The following ARL6 variants were observed in gnomAD, a reference collection of about 807,000 sequenced individuals.
ARL6 encodes the protein ARF like GTPase 6, also known as ADP-ribosylation factor-like protein 6.
A neutral mutation model predicts 27.1 loss-of-function variants in ARL6; 18 were observed. The observed-to-expected ratio is 0.66, with a 90% CI of 0.46 to 0.98. The LOEUF (loss-of-function observed/expected upper bound fraction) is 0.98. ARL6 is among the 50% of genes least tolerant of loss of function. The probability of loss-of-function intolerance (pLI) is 0.00; values close to 1 mark genes in which losing one functional copy is unlikely to be tolerated. For missense variants in ARL6, 187 were observed against 214.9 expected, an observed-to-expected ratio of 0.87 and a Z score of 0.81; for synonymous variants, 65 against 72.3, an observed-to-expected ratio of 0.90 and a Z score of 0.51.
At chr3:97,797,692 C>T (rs546674620) in intron 7 of ARL6, among the ~76,000 whole-genome samples, 1 of 152,238 alleles carries the variant, frequency 6.6e-6, no homozygotes, top group South Asian at 2.1e-4. Context: ...CTAGAAATCT[C>T]ATAGAACTAG....
chr3:97,768,668 T>C (rs570851049), intron 2 of ARL6, among the ~76,000 whole-genome samples: 57 of 152,208 alleles, frequency 3.7e-4, no homozygotes, highest in Non-Finnish European at 7.8e-4. Flanking sequence ...CTGAAAAATA[T>C]ATAAAGCTAG....
intron 2 of ARL6, among the ~76,000 whole-genome samples, chr3:97,775,411 C>T (rs375570724): frequency 2.6e-5 from 4 of 151,420 alleles, no homozygotes; most frequent in Non-Finnish European, 4.4e-5. Context: ...GCATCCAGCA[C>T]GGTAGAAAGA....
chr3:97,764,537 C>G (rs1464113362), upstream of ARL6: 1 of 152,378 alleles, frequency 6.6e-6, no homozygotes, highest in Non-Finnish European at 1.5e-5. Flanking sequence ...CATGATGCTA[C>G]GCCGGGAACT....
At chr3:97,787,053 TA>T (rs1200246060) in intron 5 of ARL6, among the ~76,000 whole-genome samples, 2 of 152,162 alleles carry the variant, frequency 1.3e-5, no homozygotes, top group African/African-American at 2.4e-5. Context: ...TTCCACATCT[TA>T]AATTTATCCT....
chr3:97,793,887 G>C (rs2037864144), intron 7 of ARL6, among the ~76,000 whole-genome samples: 1 of 151,388 alleles, frequency 6.6e-6, no homozygotes, highest in African/African-American at 2.4e-5. Context: ...AGGCTTCTGA[G>C]TCCAGCAAAT....
chr3:97,773,392 G>GC (rs1029614455), intron 2 of ARL6, among the ~76,000 whole-genome samples: 7 of 152,140 alleles, frequency 4.6e-5, no homozygotes, highest in Admixed American at 2.0e-4. Flanking sequence ...TCCTTTGGCA[G>GC]CACCCTCACA....
intron 2 of ARL6, among the ~76,000 whole-genome samples, 191 bp downstream of exon 2, chr3:97,768,421 G>C (rs1295367574): frequency 6.6e-6 from 1 of 151,928 alleles, no homozygotes; most frequent in Non-Finnish European, 1.5e-5. Context: ...TATTAAACTG[G>C]AATATTATTT....
chr3:97,793,084 G>A (rs747915625), intron 7 of ARL6, among the ~76,000 whole-genome samples: 16 of 152,232 alleles, frequency 1.1e-4, no homozygotes, highest in East Asian at 9.6e-4. Flanking sequence ...TTCAAAGTGC[G>A]AAATGTACAT....
intron 3 of ARL6, 54 bp downstream of exon 3, chr3:97,780,274 A>T (rs182851499): frequency 5.3e-5 from 71 of 1,331,452 alleles, no homozygotes; most frequent in Non-Finnish European, 2.7e-5. Context: ...TAACAATATT[A>T]GGTCTACCTG....
intron 2 of ARL6, among the ~76,000 whole-genome samples, chr3:97,779,243 G>GTTCC (rs1053859920): frequency 3.3e-5 from 5 of 152,088 alleles, no homozygotes; most frequent in African/African-American, 1.2e-4. Flanking sequence ...TCAGTGGCAA[G>GTTCC]TTCCTTCCTT....
intron 7 of ARL6, chr3:97,792,072 A>G (rs1474135738): frequency 1.9e-5 from 8 of 431,540 alleles, no homozygotes; most frequent in African/African-American, 1.4e-4. Flanking sequence ...ACACATATAG[A>G]AAACAATTTA....
At position 97,798,073 on chromosome 3, in the gene ARL6, G is replaced by A. The variant is rs1386081479; in HGVS notation, c.*24G>A. 17 of 1,609,502 alleles carry A rather than the reference G, an allele frequency of 1.1e-5. No individual in the cohort carries two copies. Among genetic ancestry groups the A allele is most frequent in the Middle Eastern group, 1.7e-4 (1 of 6,046 alleles). ...GAAAAGATAATAGTTGGAAACCTCA[G>A]CAATTTTCAATTCAAGGAATCTATC... On this transcript the variant is annotated 3_prime_UTR_variant, in exon 8 of 8. Transcript: ENST00000463745.
At chr3:97,789,815 G>A (rs887043907) in intron 6 of ARL6, among the ~76,000 whole-genome samples, 2 of 152,066 alleles carry the variant, frequency 1.3e-5, no homozygotes, top group East Asian at 3.9e-4. Context: ...AAATATAAAG[G>A]TAATGCTCTC....
intron 4 of ARL6, among the ~76,000 whole-genome samples, chr3:97,784,428 C>G (rs2037347088): frequency 1.3e-5 from 2 of 150,416 alleles, no homozygotes; most frequent in Non-Finnish European, 3.0e-5. Context: ...GTATTTCTCA[C>G]TATGGTTTAT....
rs1434466965 is a variant in ARL6, at chr3:97,798,219, C to T, written c.*170C>T. 3 of 649,588 alleles carry T rather than the reference C, an allele frequency of 4.6e-6. No individual in the cohort carries two copies. The highest frequency in any genetic ancestry group is 3.7e-5 in the African/African-American group (2 of 54,672). The allele number at this position is 649,588 out of a possible 1,614,324, so 40.2% of individuals were successfully genotyped here. A position where few individuals can be genotyped will look rare whatever the true frequency, so the allele number is the denominator to read the frequency against. On this transcript the variant is annotated 3_prime_UTR_variant, in exon 8 of 8. Transcript: ENST00000463745. ...AGGACTTCAGGTATGCTAATTTGGC[C>T]ATTAATTATTTAAAAACTAAATATT...
intron 5 of ARL6, among the ~76,000 whole-genome samples, chr3:97,787,086 C>G (rs2037493627): frequency 6.6e-6 from 1 of 152,092 alleles, no homozygotes; most frequent in South Asian, 2.1e-4. Flanking sequence ...GGCCGGTGTA[C>G]AAAATTACCT....
At chr3:97,785,641 T>A (rs754614132) in intron 5 of ARL6, among the ~76,000 whole-genome samples, 1 of 152,112 alleles carries the variant, frequency 6.6e-6, no homozygotes, top group Non-Finnish European at 1.5e-5. Flanking sequence ...TCCTTCCAAA[T>A]CAAATTATAT....
At chr3:97,764,665 G>A (rs1341115583), upstream of ARL6, 1 of 152,290 alleles carries the variant, frequency 6.6e-6, no homozygotes, top group Middle Eastern at 3.1e-3. Context: ...AATCCCAGAA[G>A]CTATAGCACA....
intron 4 of ARL6, among the ~76,000 whole-genome samples, chr3:97,782,157 TTTC>T (rs1419439673): frequency 6.6e-5 from 10 of 152,140 alleles, no homozygotes; most frequent in Non-Finnish European, 1.0e-4. Flanking sequence ...ATTTTATGTG[TTTC>T]TTATTTGTTT....
Sources: allele counts gnomAD v4.1 joint callset (sites outside exome capture counted in the v4.1 genomes callset), GRCh38; gene constraint gnomAD v4.1.1; transcripts MANE v1.5; gene names NCBI Gene and HGNC (gene_info 2026-07-23, HGNC 2026-07-21).